Variants in SUMF1 observed in about 807,000 individuals in gnomAD.
The protein encoded by SUMF1 is formylglycine-generating enzyme.
SUMF1 carries 48 observed loss-of-function variants against 47.6 expected under a neutral mutation model. The observed-to-expected ratio is 1.01, with a 90% CI of 0.80 to 1.28. The LOEUF (loss-of-function observed/expected upper bound fraction) is 1.28, where lower values mean the gene tolerates loss of function less well. SUMF1 is among the 50% of genes most tolerant of loss of function. The probability of loss-of-function intolerance (pLI) is 0.00; values close to 1 mark genes in which losing one functional copy is unlikely to be tolerated. For synonymous variants in SUMF1, 230 were observed against 192.1 expected (o/e 1.20, Z -1.63); for missense variants, 571 against 485.4 (o/e 1.18, Z -1.66).
At chr3:4,123,160 T>C (rs1044308141) in intron 8 of SUMF1, among the ~76,000 whole-genome samples, 2 of 152,176 alleles carry the variant, frequency 1.3e-5, no homozygotes, top group Non-Finnish European at 2.9e-5. Context: ...CAATCTTGTA[T>C]AGACGTGATT....
Position 4,436,655 on chromosome 3 carries a change from T to C in SUMF1, c.519+12611A>G, listed in dbSNP as rs77749389. Reference sequence around the variant, plus strand: ...TTAAAGAAGAAATTATAATGGACATTAGAAAATATTTAGCAATAAGCAATT... The same window carrying C: ...TTAAAGAAGAAATTATAATGGACATCAGAAAATATTTAGCAATAAGCAATT... On this transcript the variant is annotated intron_variant, in intron 3 of 8. Coordinates refer to ENST00000272902, the MANE Select transcript of SUMF1 (RefSeq NM_182760.4). 1.7e-3 allele frequency among the ~76,000 whole-genome samples: 252 copies of C among 150,960 alleles called. 5 individuals are homozygous for C. The East Asian group carries it at 0.04, about 24-fold the overall frequency.
chr3:4,071,655 G>A (rs941067120), intron 8 of SUMF1, among the ~76,000 whole-genome samples: 1 of 152,206 alleles, frequency 6.6e-6, no homozygotes, highest in African/African-American at 2.4e-5. Context: ...TTGAGTAGGC[G>A]TTTTTATGCT....
chr3:4,366,588 T>C (rs1480922305), intron 8 of SUMF1, among the ~76,000 whole-genome samples: 1 of 150,862 alleles, frequency 6.6e-6, no homozygotes, highest in East Asian at 2.0e-4. Context: ...TGCACTTCTC[T>C]GTATTGGTTA....
chr3:4,098,490 T>A (rs1056082516), intron 8 of SUMF1, among the ~76,000 whole-genome samples: 3 of 152,162 alleles, frequency 2.0e-5, no homozygotes, highest in East Asian at 3.8e-4. Context: ...ATTTCTCTTG[T>A]ATTCTTCTAT....
intron 8 of SUMF1, among the ~76,000 whole-genome samples, chr3:4,182,629 C>T (rs768544608): frequency 1.8e-4 from 28 of 151,966 alleles, no homozygotes; most frequent in Non-Finnish European, 3.5e-4. Context: ...TGCTGGTGTT[C>T]ATTCTCTCTC....
chr3:4,173,022 T>C (rs1172905639), intron 8 of SUMF1, among the ~76,000 whole-genome samples: 1 of 152,212 alleles, frequency 6.6e-6, no homozygotes, highest in Admixed American at 6.5e-5. Context: ...CTTGAGTTAA[T>C]TTCTGTATAA....
At chr3:4,101,779 A>C (rs998125720) in intron 8 of SUMF1, among the ~76,000 whole-genome samples, 1 of 152,104 alleles carries the variant, frequency 6.6e-6, no homozygotes, top group Non-Finnish European at 1.5e-5. Context: ...GAGGTAGAAA[A>C]TGTGAGTTTT....
intron 1 of SUMF1, among the ~76,000 whole-genome samples, chr3:4,464,987 T>C: frequency 6.6e-6 from 1 of 152,304 alleles, no homozygotes; most frequent in Non-Finnish European, 1.5e-5. Context: ...ATCTTGTAAA[T>C]GTAATCCAAA....
At chr3:4,193,975 A>T (rs1346760891) in intron 8 of SUMF1, among the ~76,000 whole-genome samples, 4 of 152,170 alleles carry the variant, frequency 2.6e-5, no homozygotes, top group Non-Finnish European at 2.9e-5. Context: ...AATACAGGCC[A>T]ACGTAAGTAT....
chr3:4,119,770 A>G (rs543599984), intron 8 of SUMF1, among the ~76,000 whole-genome samples: 1 of 152,176 alleles, frequency 6.6e-6, no homozygotes, highest in South Asian at 2.1e-4. Context: ...AGCTTGTAGT[A>G]AGTACAAAAC....
intron 1 of SUMF1, 24 bp from the exon 2 acceptor site, chr3:4,453,073 G>T (rs771954644): frequency 1.9e-6 from 3 of 1,604,044 alleles, no homozygotes; most frequent in Admixed American, 3.4e-5. Flanking sequence ...TGAAACACAG[G>T]AAGTCATGCA....
chr3:4,197,867 T>A (rs931419233), intron 8 of SUMF1, among the ~76,000 whole-genome samples: 1 of 152,128 alleles, frequency 6.6e-6, no homozygotes, highest in Non-Finnish European at 1.5e-5. Flanking sequence ...CCAACTGTGA[T>A]CCATGGGGTA....
chr3:4,244,922 C>T (rs1399583607), intron 8 of SUMF1, among the ~76,000 whole-genome samples: 1 of 152,044 alleles, frequency 6.6e-6, no homozygotes, highest in Non-Finnish European at 1.5e-5. Context: ...TTCTTGGAGG[C>T]TTCGTTCGTT....
intron 8 of SUMF1, among the ~76,000 whole-genome samples, chr3:4,319,641 G>A (rs1473312305): frequency 2.0e-5 from 3 of 152,186 alleles, no homozygotes; most frequent in Admixed American, 1.3e-4. Flanking sequence ...ATTTCTATGG[G>A]ACAGTTGGAA....
At chr3:4,290,792 G>A (rs1318423694) in intron 8 of SUMF1, among the ~76,000 whole-genome samples, 2 of 152,144 alleles carry the variant, frequency 1.3e-5, no homozygotes, top group Non-Finnish European at 2.9e-5. Context: ...ACCTTCAGAC[G>A]TGTACTGAAG....
chr3:4,395,587 C>T (rs957809824), intron 7 of SUMF1, among the ~76,000 whole-genome samples: 2 of 152,144 alleles, frequency 1.3e-5, no homozygotes, highest in Non-Finnish European at 2.9e-5. Context: ...AAATTAACAA[C>T]CTCCACTGTA....
chr3:4,149,293 G>C (rs1292484902), intron 8 of SUMF1, among the ~76,000 whole-genome samples: 1 of 152,242 alleles, frequency 6.6e-6, no homozygotes, highest in Non-Finnish European at 1.5e-5. Flanking sequence ...AACCTACTGA[G>C]AGCATTTACA....
In SUMF1 at chr3:4,452,999, C is replaced by A. The variant is rs199741767; in HGVS notation, c.321G>T (p.Gln107His). Residue 107 changes from glutamine to histidine, a missense_variant, in exon 2 of 9, where the codon CAG becomes CAT. Transcript: ENST00000272902. ...CAGGTGCTTCCCCATCCTGCTTTAT[C>A]TGAGGATCATCTGTGCCCATTGTAA... ...GVFTMGTDDP[Q>H]IKQDGEAPAR... 128 of 1,614,104 alleles carry A rather than the reference C, an allele frequency of 7.9e-5. No individual in the cohort carries two copies. The highest frequency in any genetic ancestry group is 1.0e-4 in the Non-Finnish European group (120 of 1,180,030).
At chr3:4,399,450 C>T (rs1035852019) in intron 7 of SUMF1, among the ~76,000 whole-genome samples, 2 of 152,154 alleles carry the variant, frequency 1.3e-5, no homozygotes, top group East Asian at 1.9e-4. Context: ...ACATGGACTA[C>T]TCTATGTGAG....
Sources: gnomAD v4.1 joint callset for allele counts (sites outside exome capture counted in the v4.1 genomes callset) on GRCh38, gnomAD v4.1.1 for gene constraint, MANE v1.5 for transcripts, NCBI Gene and HGNC (gene_info 2026-07-23, HGNC 2026-07-21) for gene names.